The following ZAN variants were observed in gnomAD, a reference collection of about 807,000 sequenced individuals.
ZAN encodes zonadhesin.
ZAN carries 260 observed loss-of-function variants against 286.2 expected under a neutral mutation model. The observed-to-expected ratio is 0.91, with a 90% CI of 0.82 to 1.01. ZAN has a LOEUF of 1.01. Ranked by LOEUF, ZAN falls within the 50% of genes least tolerant of loss-of-function variation. The pLI, the probability that ZAN is intolerant of heterozygous loss-of-function variation, is 0.00. For missense variants in ZAN, 3,410 were observed against 3,639.2 expected (o/e 0.94, Z 1.62); for synonymous variants, 1,368 against 1,417.5 (o/e 0.97, Z 0.79).
chr7:100,754,741 G>T (rs1221437099), intron 14 of ZAN, among the ~76,000 whole-genome samples: 2 of 151,564 alleles, frequency 1.3e-5, no homozygotes, highest in Non-Finnish European at 2.9e-5. Flanking sequence ...CAAAGTCTTG[G>T]GATTACAGGG....
Position 100,760,610 on chromosome 7 carries a change from C to G in ZAN, c.3842+74C>G, listed in dbSNP as rs935383740. ...TTCCTGCTGCCTCTTCTTCCTGCTG[C>G]CCACCCTGCCCACTCCCCTTCCATC... On this transcript the variant is annotated intron_variant, in intron 19 of 47. Coordinates refer to ENST00000613979, the MANE Select transcript of ZAN (RefSeq NM_003386.3). 8 of 1,553,410 alleles carry G rather than the reference C, an allele frequency of 5.1e-6. No individual in the cohort carries two copies. In the Admixed American group the frequency reaches 1.1e-4, roughly 22 times the overall value.
rs1811096836 is a variant in ZAN at position 100,780,008 on chromosome 7, A to G, written c.6622+258A>G. Among the ~76,000 whole-genome samples the G allele has an allele frequency of 1.3e-5, 2 of 152,192 alleles. 1 individual carries two copies. The highest frequency in any genetic ancestry group is 4.1e-4 in the South Asian group (2 of 4,832). ...TCAGGAGTTCGAGACCAGCCTGGCC[A>G]ACATGGTGAAACCCCATCCTACTAA... On this transcript the variant is annotated intron_variant, in intron 35 of 47. Coordinates refer to ENST00000613979, the MANE Select transcript of ZAN (RefSeq NM_003386.3).
chr7:100,788,911 C>G (rs1177080129), intron 38 of ZAN, among the ~76,000 whole-genome samples: 1 of 151,928 alleles, frequency 6.6e-6, no homozygotes, highest in East Asian at 1.9e-4. Flanking sequence ...GTTGGCCAGG[C>G]TGGTCTGGAA....
chr7:100,768,428 C>T (rs187280737), intron 26 of ZAN, among the ~76,000 whole-genome samples, 182 bp from the exon 27 acceptor site: 4 of 152,138 alleles, frequency 2.6e-5, no homozygotes, highest in East Asian at 3.9e-4. Context: ...GCTGAGATCG[C>T]GCCACTGCAC....
intron 25 of ZAN, 22 bp downstream of exon 25, chr7:100,767,279 C>T (rs772443636): frequency 1.3e-6 from 2 of 1,592,874 alleles, no homozygotes; most frequent in African/African-American, 1.3e-5. Context: ...CCTCCTGCCT[C>T]CTGGACCCTG....
intron 45 of ZAN, among the ~76,000 whole-genome samples, chr7:100,796,385 C>T (rs1812363481): frequency 6.7e-6 from 1 of 149,894 alleles, no homozygotes; most frequent in Non-Finnish European, 1.5e-5. Flanking sequence ...TCTGAAAGAT[C>T]AGATTTGGTA....
At chr7:100,774,765 G>A (rs1810632574) in intron 31 of ZAN, among the ~76,000 whole-genome samples, 1 of 151,846 alleles carries the variant, frequency 6.6e-6, no homozygotes, top group Non-Finnish European at 1.5e-5. Context: ...GTTTGAGGCT[G>A]CAGTGAGCTA....
Position 100,763,709 on chromosome 7 carries a change from T to G in ZAN, c.3987-97T>G. ...GGGGTTTCCCAGCTGACAGGCTGGT[T>G]TGCCGGTCCCGGCCTGCCAGCCTTG... On this transcript the variant is annotated intron_variant, in intron 20 of 47. Transcript: ENST00000613979. This position sits in a 1 kb window ranked among gnomAD's most constrained non-coding sequence, Gnocchi z 4.6. 7.9e-7 allele frequency: 1 copy of G among 1,265,252 alleles called. No homozygotes were observed. The highest frequency in any genetic ancestry group is 1.2e-5 in the South Asian group (1 of 80,874). The allele number at this position is 1,265,252 out of a possible 1,614,324, so 78.4% of individuals were successfully genotyped here. A position where few individuals can be genotyped will look rare whatever the true frequency, so the allele number is the denominator to read the frequency against.
chr7:100,763,858 A>G lies in ZAN; in HGVS notation c.4039A>G (p.Ser1347Gly). ...CCCGTCTTGTGATTCATCTCTGCAG[A>G]GCAGCATGTCGGGGCCAGGGTTCTG... is the stretch of plus-strand genomic sequence containing the variant. ...NSPSCDSSLQ[S>G]SMSGPGFCGR... Residue 1347 changes from serine (S) to glycine (G), a missense_variant, in exon 21 of 48, where the codon AGC becomes GGC. This residue lies in a region of ZAN where 1,042 missense variants were observed against 1,058.0 expected (regional missense o/e 0.98). Transcript: ENST00000613979. This position sits in a 1 kb window ranked among gnomAD's most constrained non-coding sequence, Gnocchi z 4.6. The G allele has an allele frequency of 6.2e-7, 1 of 1,613,978 alleles. No individual in the cohort carries two copies. Among genetic ancestry groups the G allele is most frequent in the Non-Finnish European group, 8.5e-7 (1 of 1,179,880 alleles).
intron 35 of ZAN, among the ~76,000 whole-genome samples, chr7:100,780,150 G>A (rs893009324): frequency 3.3e-5 from 5 of 150,728 alleles, no homozygotes; most frequent in African/African-American, 9.8e-5. Flanking sequence ...CCGAGATCGC[G>A]CCGTTGCACT....
intron 35 of ZAN, 90 bp downstream of exon 35, chr7:100,779,840 C>T (rs545382341): frequency 2.6e-5 from 34 of 1,322,986 alleles, no homozygotes; most frequent in African/African-American, 1.3e-4. Context: ...CCTTCCTGTT[C>T]GTTCCTGACT....
Position 100,750,678 on chromosome 7 carries a change from G to A in ZAN, c.1303G>A (p.Val435Ile), listed in dbSNP as rs1808591370. 6.2e-7 allele frequency: 1 copy of A among 1,613,440 alleles called. No homozygotes were observed. Among genetic ancestry groups the A allele is most frequent in the Non-Finnish European group, 8.5e-7 (1 of 1,179,726 alleles). The change falls in exon 12 of 48, where the codon GTC (valine) becomes ATC (isoleucine). Residue 435 changes from valine to isoleucine, a missense_variant. Physicochemically the swap from Val to Ile is conservative, Grantham distance 29. This residue lies in a region of ZAN where 872 missense variants were observed against 938.9 expected (regional missense o/e 0.93). Coordinates refer to ENST00000613979, the MANE Select transcript of ZAN (RefSeq NM_003386.3). Reference protein sequence around the residue: ...ADEFSQAGQSVRLVSRPFCAP... With the variant: ...ADEFSQAGQSIRLVSRPFCAP... ...CGAGTTCTCCCAGGCAGGCCAGTCA[G>A]TCAGACTGGTGAGCCGGCCCTTCTG... is the stretch of plus-strand genomic sequence containing the variant.
At chr7:100,756,798 C>T (rs796183535) in intron 15 of ZAN, among the ~76,000 whole-genome samples, 14 of 151,496 alleles carry the variant, frequency 9.2e-5, no homozygotes, top group African/African-American at 2.7e-4. Context: ...GACAGAGTTT[C>T]GCTCTTGTTG....
At chr7:100,768,916 C>T (rs771055425) in intron 27 of ZAN, among the ~76,000 whole-genome samples, 195 bp downstream of exon 27, 2 of 152,160 alleles carry the variant, frequency 1.3e-5, no homozygotes, top group Non-Finnish European at 2.9e-5. Flanking sequence ...CTTCCCACGC[C>T]CACGCCTGCT....
Position 100,767,088 on chromosome 7 carries a change from G to C in ZAN, c.4691G>C (p.Cys1564Ser). 6.2e-7 allele frequency: 1 copy of C among 1,613,928 alleles called. No homozygotes were observed. The highest frequency in any genetic ancestry group is 8.5e-7 in the Non-Finnish European group (1 of 1,179,862). The change falls in exon 25 of 48, where the codon TGC (cysteine) becomes TCC (serine). Residue 1564 changes from cysteine (C) to serine (S), a missense_variant. This residue lies in a region of ZAN where 1,042 missense variants were observed against 1,058.0 expected (regional missense o/e 0.98). Transcript: ENST00000613979. ...DGALHHFMGT[C>S]TYVLTRPCWS... ...GCCTTGCACCACTTCATGGGCACCT[G>C]CACCTATGTCCTGACCCGGCCTTGC...
At chr7:100,749,687 C>T (rs1480004803) in intron 11 of ZAN, among the ~76,000 whole-genome samples, 5 of 136,000 alleles carry the variant, frequency 3.7e-5, no homozygotes, top group African/African-American at 1.3e-4. Flanking sequence ...CACACACACA[C>T]ATATATATAC....
At position 100,792,054 on chromosome 7, in the gene ZAN, G is replaced by T. The variant is rs772979960; in HGVS notation, c.7618G>T (p.Ala2540Ser). Residue 2540 changes from alanine (A) to serine (S), a missense_variant, in exon 41 of 48, where the codon GCG (alanine) becomes TCG (serine). Ala to Ser is a moderately conservative substitution (Grantham distance 99). Coordinates refer to ENST00000613979, the MANE Select transcript of ZAN (RefSeq NM_003386.3). ...QVSECSPEQL[A>S]SNSTQACRVL... is the part of the protein sequence containing the mutation. ...GTCCGAATGTAGCCCGGAGCAGCTG[G>T]CGAGCAACAGCACCCAGGCCTGTAG... 2.8e-5 allele frequency: 45 copies of T among 1,613,052 alleles called. No individual in the cohort carries two copies. Among genetic ancestry groups the T allele is most frequent in the Non-Finnish European group, 3.6e-5 (43 of 1,179,776 alleles).
intron 11 of ZAN, among the ~76,000 whole-genome samples, chr7:100,749,428 C>G (rs1808456940): frequency 6.7e-6 from 1 of 150,328 alleles, no homozygotes; most frequent in Non-Finnish European, 1.5e-5. Flanking sequence ...ATCACAAGGT[C>G]AGGAGATCGA....
At chr7:100,751,347 T>A in intron 13 of ZAN, 81 bp downstream of exon 13, 2 of 1,034,072 alleles carry the variant, frequency 1.9e-6, no homozygotes, top group Non-Finnish European at 1.3e-6. Context: ...GCTTAAAATG[T>A]GAGTCCTCCC....
Sources: gnomAD v4.1 joint callset for allele counts (sites outside exome capture counted in the v4.1 genomes callset) on GRCh38, gnomAD v4.1.1 for gene constraint, gnomAD v4.1.1 regional missense constraint, Gnocchi (gnomAD v3.1) non-coding constraint, MANE v1.5 for transcripts, NCBI Gene and HGNC (gene_info 2026-07-23, HGNC 2026-07-21) for gene names.